Variants in ATRNL1 observed in about 807,000 individuals in gnomAD.
The protein encoded by ATRNL1 is attractin-like protein 1.
Under a neutral mutation model 182.7 loss-of-function variants are expected in ATRNL1, and 95 were observed. The ratio of observed to expected loss-of-function variants is 0.52; its 90% CI spans 0.44 to 0.62. The LOEUF (loss-of-function observed/expected upper bound fraction) is 0.62, where lower values mean the gene tolerates loss of function less well. Ranked by LOEUF, ATRNL1 falls within the 20% of genes least tolerant of loss-of-function variation. ATRNL1 has a pLI of 0.00. For synonymous variants in ATRNL1, 576 were observed against 568.3 expected (o/e 1.01, Z -0.19); for missense variants, 1,471 against 1,679.5 (o/e 0.88, Z 2.17).
chr10:115,580,102 C>T (rs1460172741), intron 26 of ATRNL1, among the ~76,000 whole-genome samples: 1 of 152,040 alleles, frequency 6.6e-6, no homozygotes, highest in East Asian at 1.9e-4. Flanking sequence ...AAACTTTTCT[C>T]TTTTACCTTT....
At chr10:115,607,609 G>T (rs1006310219) in intron 26 of ATRNL1, among the ~76,000 whole-genome samples, 2 of 151,742 alleles carry the variant, frequency 1.3e-5, no homozygotes, top group African/African-American at 2.4e-5. Flanking sequence ...GTACCCTAAG[G>T]TCACAGATAT....
rs11197111 is a variant in ATRNL1, at chr10:115,189,118, C to A, written c.1348+17826C>A. Reference sequence around the variant, plus strand: ...ATTCTGGAACTGAAAAATTCCTATCCCTGGAGATGATGTAGCTGTCAAAAT... The same window carrying A: ...ATTCTGGAACTGAAAAATTCCTATCACTGGAGATGATGTAGCTGTCAAAAT... On this transcript the variant is annotated intron_variant, in intron 8 of 28. Transcript: ENST00000355044. Among the ~76,000 whole-genome samples the A allele has an allele frequency of 2.0e-3, 303 of 152,022 alleles. 1 individual carries two copies. The highest frequency in any genetic ancestry group is 3.7e-3 in the Admixed American group (56 of 15,242).
At chr10:115,819,360 A>G (rs1950239837) in intron 27 of ATRNL1, among the ~76,000 whole-genome samples, 1 of 152,120 alleles carries the variant, frequency 6.6e-6, no homozygotes, top group Non-Finnish European at 1.5e-5. Context: ...CTATCTATCT[A>G]GAATATTTTC....
intron 24 of ATRNL1, among the ~76,000 whole-genome samples, chr10:115,496,276 A>G (rs1849545944): frequency 6.6e-6 from 1 of 152,010 alleles, no homozygotes; most frequent in South Asian, 2.1e-4. Flanking sequence ...CAGTTTCTTT[A>G]TAGTTTCAGT....
intron 25 of ATRNL1, among the ~76,000 whole-genome samples, chr10:115,538,605 G>T (rs961366165): frequency 1.3e-5 from 2 of 151,952 alleles, no homozygotes; most frequent in Non-Finnish European, 2.9e-5. Context: ...CAACTCTTTT[G>T]CCAGATGTGA....
intron 5 of ATRNL1, among the ~76,000 whole-genome samples, chr10:115,150,177 T>G (rs1230450543): frequency 6.6e-6 from 1 of 152,070 alleles, no homozygotes; most frequent in East Asian, 1.9e-4. Context: ...ATTTCTGTGA[T>G]ATCAGTTGTA....
intron 21 of ATRNL1, among the ~76,000 whole-genome samples, chr10:115,442,882 G>A (rs947643030): frequency 4.6e-5 from 7 of 151,814 alleles, no homozygotes; most frequent in Non-Finnish European, 8.8e-5. Flanking sequence ...ATTAATCTGA[G>A]GAGAACATAT....
At chr10:115,281,554 AT>A in intron 14 of ATRNL1, 67 bp downstream of exon 14, 1 of 1,473,456 alleles carries the variant, frequency 6.8e-7, no homozygotes, top group Non-Finnish European at 9.3e-7. Context: ...AGAAAAGTAC[AT>A]TTAGTAAGGA....
chr10:115,426,426 A>T (rs890059374), intron 21 of ATRNL1, 124 bp downstream of exon 21: 1 of 637,628 alleles, frequency 1.6e-6, no homozygotes, highest in South Asian at 2.4e-5. Context: ...CTTAAATTTT[A>T]TAATACAACT....
chr10:115,805,113 A>T (rs1362253823), intron 27 of ATRNL1, among the ~76,000 whole-genome samples: 1 of 152,156 alleles, frequency 6.6e-6, no homozygotes, highest in Non-Finnish European at 1.5e-5. Context: ...TCCCCTCCTA[A>T]TTCTACCTCC....
chr10:115,835,452 A>C (rs186102722), intron 27 of ATRNL1, among the ~76,000 whole-genome samples: 11 of 152,274 alleles, frequency 7.2e-5, no homozygotes, highest in Non-Finnish European at 1.2e-4. Context: ...TCACCATCAG[A>C]ATTGCCAGCC....
intron 27 of ATRNL1, among the ~76,000 whole-genome samples, chr10:115,815,049 C>A (rs1454674952): frequency 6.6e-6 from 1 of 152,110 alleles, no homozygotes; most frequent in Admixed American, 6.6e-5. Context: ...TCCAAGACAA[C>A]CCACCTACAG....
chr10:115,213,886 T>C (rs2144394981), intron 8 of ATRNL1, among the ~76,000 whole-genome samples: 1 of 152,138 alleles, frequency 6.6e-6, no homozygotes, highest in South Asian at 2.1e-4. Context: ...GAAACCCAAA[T>C]GAGTAACAAA....
At chr10:115,381,895 C>G (rs1278390667) in intron 19 of ATRNL1, among the ~76,000 whole-genome samples, 1 of 151,634 alleles carries the variant, frequency 6.6e-6, no homozygotes, top group Non-Finnish European at 1.5e-5. Flanking sequence ...TGTAGGAGTC[C>G]AAGTCTATTT....
At chr10:115,296,965 T>C (rs1240872760) in intron 15 of ATRNL1, among the ~76,000 whole-genome samples, 3 of 152,174 alleles carry the variant, frequency 2.0e-5, no homozygotes, top group Admixed American at 2.0e-4. Context: ...ATTGCAATGA[T>C]AGATGCACAC....
chr10:115,630,120 T>C (rs1858384561), intron 26 of ATRNL1, among the ~76,000 whole-genome samples: 1 of 152,104 alleles, frequency 6.6e-6, no homozygotes, highest in Non-Finnish European at 1.5e-5. Context: ...CGAGGAGCTG[T>C]TTCCCTTTGT....
chr10:115,290,839 G>A (rs754737104), intron 15 of ATRNL1, among the ~76,000 whole-genome samples: 8 of 152,172 alleles, frequency 5.3e-5, no homozygotes, highest in Non-Finnish European at 1.2e-4. Flanking sequence ...AGATTGATCT[G>A]ACCAGGTGTG....
chr10:115,478,213 A>T (rs1274688915), intron 24 of ATRNL1, among the ~76,000 whole-genome samples: 3 of 151,648 alleles, frequency 2.0e-5, no homozygotes, highest in Non-Finnish European at 3.0e-5. Context: ...TTATTATTTT[A>T]TACTGTCTGT....
intron 26 of ATRNL1, among the ~76,000 whole-genome samples, chr10:115,575,181 A>G (rs1459866022): frequency 6.6e-6 from 1 of 152,186 alleles, no homozygotes; most frequent in African/African-American, 2.4e-5. Context: ...TGTGATATAT[A>G]TTCATCTTTT....
Sources: allele counts gnomAD v4.1 joint callset (sites outside exome capture counted in the v4.1 genomes callset), GRCh38; gene constraint gnomAD v4.1.1; transcripts MANE v1.5; gene names NCBI Gene and HGNC (gene_info 2026-07-23, HGNC 2026-07-21).